Variants in CFAP46 observed in about 807,000 individuals in gnomAD.
The protein encoded by CFAP46 is cilia- and flagella-associated protein 46.
CFAP46 carries 245 observed loss-of-function variants against 325.7 expected under a neutral mutation model. That is an observed-to-expected ratio of 0.75 (90% CI 0.68 to 0.84). The LOEUF (loss-of-function observed/expected upper bound fraction) is 0.84. Ranked by LOEUF, CFAP46 falls within the 40% of genes least tolerant of loss-of-function variation. The pLI, the probability that CFAP46 is intolerant of heterozygous loss-of-function variation, is 0.00. For missense variants in CFAP46, 3,346 were observed against 3,543.0 expected (o/e 0.94, Z 1.41); for synonymous variants, 1,523 against 1,495.9 (o/e 1.02, Z -0.42).
At chr10:132,825,232 T>C (rs900812770) in intron 50 of CFAP46, among the ~76,000 whole-genome samples, 5 of 148,456 alleles carry the variant, frequency 3.4e-5, no homozygotes, top group African/African-American at 1.2e-4. Flanking sequence ...ATGTGTGCTG[T>C]GTGTGTGCCC....
rs922537456 is a variant in CFAP46 at position 132,876,721 on chromosome 10, A to C, written c.4362+91T>G. Reference sequence around the variant, plus strand: ...CTGTCCTGTCCTCCTTTTTCTGGCTACAGTTCACAGTGAAAACTGGACTTG... The same window carrying C: ...CTGTCCTGTCCTCCTTTTTCTGGCTCCAGTTCACAGTGAAAACTGGACTTG... On this transcript the variant is annotated intron_variant, in intron 31 of 57. Transcript: ENST00000368586. The surrounding 1 kb of genome is among the most constrained non-coding windows in gnomAD (Gnocchi z 4.1). 3.7e-6 allele frequency: 5 copies of C among 1,336,470 alleles called. No individual in the cohort carries two copies. Among genetic ancestry groups the C allele is most frequent in the Non-Finnish European group, 5.0e-6 (5 of 991,334 alleles). 82.8% of individuals were successfully genotyped at this position (1,336,470 alleles called of 1,614,324 possible).
chr10:132,836,656 C>T (rs1299677264), intron 45 of CFAP46, among the ~76,000 whole-genome samples, 161 bp downstream of exon 45: 2 of 152,156 alleles, frequency 1.3e-5, no homozygotes, highest in Non-Finnish European at 2.9e-5. Context: ...TTGGGGTACC[C>T]GGTGTCTGTC....
intron 4 of CFAP46, 128 bp from the exon 5 acceptor site, chr10:132,938,881 C>G: frequency 1.3e-6 from 1 of 757,476 alleles, no homozygotes; most frequent in Admixed American, 2.8e-5. Context: ...CAGCAGATGG[C>G]AGCAGCCCCA....
At chr10:132,840,737 G>A (rs997481867) in intron 44 of CFAP46, among the ~76,000 whole-genome samples, 4 of 152,288 alleles carry the variant, frequency 2.6e-5, no homozygotes, top group East Asian at 1.9e-4. Context: ...CAAGGTGCCC[G>A]TGTTTCTCAC....
intron 50 of CFAP46, among the ~76,000 whole-genome samples, chr10:132,823,331 TGCTGATGTGTGCTGTGTGTGCTGA>T: frequency 2.8e-5 from 3 of 106,116 alleles, no homozygotes; most frequent in South Asian, 4.4e-4. Flanking sequence ...GTGTGCGGTG[TGCTGATGTGTGCTGTGTGTGCTGA>T]GTGCTGATGT....
In CFAP46 at chr10:132,878,019, CA is replaced by C; in HGVS notation, c.4073del (p.Leu1358ArgfsTer62). 6.4e-7 allele frequency: 1 copy of C among 1,550,722 alleles called. No individual in the cohort carries two copies. Among genetic ancestry groups the C allele is most frequent in the East Asian group, 2.4e-5 (1 of 40,914 alleles). On this transcript the variant is annotated frameshift_variant, in exon 30 of 58. Transcript: ENST00000368586. LOFTEE classifies it high-confidence loss of function. ...TCTCCTTCTCTTTTTTAGGCAATAACAGATGTGAGCTGGTTGCTGCCAGGGG... is the reference window on the plus strand; with the variant it reads ...TCTCCTTCTCTTTTTTAGGCAATAACGATGTGAGCTGGTTGCTGCCAGGGG... ...NRPLAATSSH[L>X]LLPKKEKENE...
chr10:132,922,554 GGGTGGAGGCCATCTGGATCCTGTCCC>G lies in CFAP46; in HGVS notation c.1385_1410del (p.Arg462ProfsTer13). 3 of 1,548,080 alleles carry G rather than the reference GGGTGGAGGCCATCTGGATCCTGTCCC, an allele frequency of 1.9e-6. No homozygotes were observed. The South Asian group carries it at 3.6e-5, about 18-fold the overall frequency. On this transcript the variant is annotated frameshift_variant, in exon 12 of 58. Coordinates refer to ENST00000368586, the MANE Select transcript of CFAP46 (RefSeq NM_001200049.3). LOFTEE classifies it high-confidence loss of function. Reference sequence around the variant, plus strand: ...TATAGCGTGGTGCACAGACGCAGCCGGGTGGAGGCCATCTGGATCCTGTCCCGGTAGAGGCCCAGGCTGTCCAGGCG... The same window carrying G: ...TATAGCGTGGTGCACAGACGCAGCCGGGTAGAGGCCCAGGCTGTCCAGGCG...
rs1200045096 is a variant in CFAP46, at chr10:132,899,623, C to T, written c.2968G>A (p.Ala990Thr). 3 of 1,550,228 alleles carry T rather than the reference C, an allele frequency of 1.9e-6. No individual in the cohort carries two copies. The highest frequency in any genetic ancestry group is 2.0e-5 in the Admixed American group (1 of 50,988). The stretch of plus-strand genomic sequence containing the variant: ...TCCATGATGCTCCTGCCCTGGATGG[C>T]CGTGGCTGTGCACAGCATCTCTGCC... ...LVAEMLCTAT[A>T]IQGRSIMENL... The change falls in exon 23 of 58, where the codon GCC becomes ACC. Residue 990 changes from alanine (A) to threonine (T), a missense_variant. By Grantham distance (58) the Ala-to-Thr change is moderately conservative (BLOSUM62 0). Transcript: ENST00000368586.
chr10:132,922,420 CG>C, intron 12 of CFAP46, 59 bp downstream of exon 12: 1 of 1,485,362 alleles, frequency 6.7e-7, no homozygotes, highest in Non-Finnish European at 9.0e-7. Context: ...CTCAGAGCCC[CG>C]CCCCGGCCCC....
chr10:132,824,804 T>C (rs1247418410), intron 50 of CFAP46, among the ~76,000 whole-genome samples: 2 of 140,440 alleles, frequency 1.4e-5, no homozygotes, highest in African/African-American at 2.7e-5. Context: ...GTGCTGTCTG[T>C]GCGCTGATGT....
At position 132,817,364 on chromosome 10, in the gene CFAP46, G is replaced by A. The variant is rs764834849; in HGVS notation, c.7118-2450C>T. 1.4e-4 allele frequency among the ~76,000 whole-genome samples: 21 copies of A among 152,212 alleles called. No homozygotes were observed. The highest frequency in any genetic ancestry group is 2.6e-4 in the Admixed American group (4 of 15,282). On this transcript the variant is annotated intron_variant, in intron 50 of 57. Transcript: ENST00000368586. The surrounding 1 kb of genome is among the most constrained non-coding windows in gnomAD (Gnocchi z 4.4). Reference sequence around the variant, plus strand: ...GTCATTTGTGACGGGCGTGCTTCCTGCAAAGGGCATGCGGCTGGCACCTCT... The same window carrying A: ...GTCATTTGTGACGGGCGTGCTTCCTACAAAGGGCATGCGGCTGGCACCTCT...
In CFAP46 at chr10:132,876,872, C is replaced by T; in HGVS notation, c.4302G>A (p.Leu1434=). The change falls in exon 31 of 58, where the codon CTG becomes CTA. Residue 1434 remains leucine, a synonymous_variant. Transcript: ENST00000368586. The surrounding 1 kb of genome is among the most constrained non-coding windows in gnomAD (Gnocchi z 4.1). The part of the protein sequence containing the change: ...WASYSCPEEV[L]SVLKQDRSDS... Reference sequence around the variant, plus strand: ...CACTTCTGTCCTGTTTCAGTACAGACAGCACTTCCTCGGGGCAGGAGTAGG... The same window carrying T: ...CACTTCTGTCCTGTTTCAGTACAGATAGCACTTCCTCGGGGCAGGAGTAGG... 6.4e-7 allele frequency: 1 copy of T among 1,550,520 alleles called. No individual in the cohort carries two copies. The highest frequency in any genetic ancestry group is 2.0e-5 in the Admixed American group (1 of 51,006).
chr10:132,872,535 C>G (rs1848907696), intron 32 of CFAP46, 141 bp downstream of exon 32: 1 of 1,054,654 alleles, frequency 9.5e-7, no homozygotes, highest in Non-Finnish European at 1.4e-6. Context: ...TTTTCATATT[C>G]AAATATTTTT....
chr10:132,911,742 G>C (rs188914417), intron 19 of CFAP46, among the ~76,000 whole-genome samples: 1 of 152,148 alleles, frequency 6.6e-6, no homozygotes, highest in Non-Finnish European at 1.5e-5. Flanking sequence ...CACCAGGATC[G>C]TCCCACACAC....
Position 132,879,532 on chromosome 10 carries a change from G to A in CFAP46, c.3899C>T (p.Ala1300Val), listed in dbSNP as rs925854991. 2.3e-5 allele frequency: 35 copies of A among 1,547,136 alleles called. No homozygotes were observed. The highest frequency in any genetic ancestry group is 1.5e-4 in the East Asian group (6 of 40,892). Residue 1300 changes from alanine to valine, a missense_variant, in exon 29 of 58, where the codon GCG becomes GTG. Physicochemically the swap from Ala to Val is moderately conservative, Grantham distance 64 (BLOSUM62 0). Coordinates refer to ENST00000368586, the MANE Select transcript of CFAP46 (RefSeq NM_001200049.3). ...EQLRSVRQLEALARVHILLAL... is the reference protein window; with the variant it reads ...EQLRSVRQLEVLARVHILLAL... Reference sequence around the variant, plus strand: ...CAGCAGGATGTGCACGCGGGCCAGCGCCTCCAGCTGCCGCACGCTACGCAG... The same window carrying A: ...CAGCAGGATGTGCACGCGGGCCAGCACCTCCAGCTGCCGCACGCTACGCAG...
rs1007482914 is a variant in CFAP46, at chr10:132,884,715, C to A, written c.3627+388G>T. Among the ~76,000 whole-genome samples the A allele has an allele frequency of 2.0e-5, 3 of 152,122 alleles. No individual in the cohort carries two copies. The highest frequency in any genetic ancestry group is 7.2e-5 in the African/African-American group (3 of 41,434). Reference sequence around the variant, plus strand: ...TCCCAGGGCCCTGCAGAGCCCTGCTCTCCTGTGCAGCCACCCGCCCATCGG... The same window carrying A: ...TCCCAGGGCCCTGCAGAGCCCTGCTATCCTGTGCAGCCACCCGCCCATCGG... On this transcript the variant is annotated intron_variant, in intron 27 of 57. Coordinates refer to ENST00000368586, the MANE Select transcript of CFAP46 (RefSeq NM_001200049.3). The surrounding 1 kb of genome is among the most constrained non-coding windows in gnomAD (Gnocchi z 5.4).
At chr10:132,874,075 C>A (rs1341037950) in intron 31 of CFAP46, among the ~76,000 whole-genome samples, 1 of 152,146 alleles carries the variant, frequency 6.6e-6, no homozygotes, top group East Asian at 1.9e-4. Context: ...ATGAAATAAC[C>A]ACCAATCTTA....
At chr10:132,878,549 T>C (rs995390326) in intron 29 of CFAP46, among the ~76,000 whole-genome samples, 5 of 152,198 alleles carry the variant, frequency 3.3e-5, no homozygotes, top group Non-Finnish European at 5.9e-5. Flanking sequence ...GGGGGAGACT[T>C]GCCACTCCTT....
chr10:132,814,559 G>GC lies in CFAP46; in HGVS notation c.7285+17dup. The GC allele has an allele frequency of 6.4e-7, 1 of 1,555,282 alleles. No homozygotes were observed. Among genetic ancestry groups the GC allele is most frequent in the Non-Finnish European group, 8.7e-7 (1 of 1,149,986 alleles). ...AGGCTGGCGTGTGCCTGAACAGGGA[G>GC]CCCTGTGCAGCACCCACCTGGGCCC... On this transcript the variant is annotated intron_variant, in intron 53 of 57. Transcript: ENST00000368586.
Sources: allele counts gnomAD v4.1 joint callset (sites outside exome capture counted in the v4.1 genomes callset), GRCh38; gene constraint gnomAD v4.1.1; non-coding constraint Gnocchi (gnomAD v3.1); transcripts MANE v1.5; gene names NCBI Gene and HGNC (gene_info 2026-07-23, HGNC 2026-07-21).